TTC29: variants seen among roughly 807,000 people sequenced by gnomAD.
The protein encoded by TTC29 is tetratricopeptide repeat protein 29.
A neutral mutation model predicts 58.1 loss-of-function variants in TTC29; 49 were observed. The ratio of observed to expected loss-of-function variants is 0.84; its 90% confidence interval spans 0.67 to 1.07. TTC29 has a LOEUF of 1.07. Ranked by LOEUF, TTC29 falls within the 50% of genes least tolerant of loss-of-function variation. The pLI is 0.00. For synonymous variants in TTC29, 209 were observed against 196.8 expected (o/e 1.06, Z -0.52); for missense variants, 582 against 555.6 (o/e 1.05, Z -0.48).
intron 11 of TTC29, among the ~76,000 whole-genome samples, chr4:146,739,287 G>A (rs1182391660): frequency 2.0e-5 from 3 of 152,132 alleles, no homozygotes; most frequent in Non-Finnish European, 2.9e-5. Flanking sequence ...ACTGAGGAAA[G>A]AAAAAATAAA....
chr4:146,903,626 C>G lies in TTC29; in HGVS notation c.504G>C (p.Lys168Asn). 1 of 1,613,058 alleles carries G rather than the reference C, an allele frequency of 6.2e-7. No homozygotes were observed. The highest frequency in any genetic ancestry group is 1.1e-5 in the South Asian group (1 of 90,918). Residue 168 changes from lysine to asparagine, a missense_variant, in exon 6 of 13, where the codon AAG becomes AAC. Transcript: ENST00000325106. ...AGTCAATTTTGATCAGCTGAGCAAT[C>G]TTAAAACATCGTTCATAGAAGTGGT... ...VRNHFYERCF[K>N]IAQLIKIDCG...
At chr4:146,909,496 A>T (rs960966056) in intron 4 of TTC29, among the ~76,000 whole-genome samples, 1 of 152,206 alleles carries the variant, frequency 6.6e-6, no homozygotes, top group African/African-American at 2.4e-5. Context: ...TATCAGTTCC[A>T]GAGCTGAGCT....
chr4:146,748,568 C>T (rs1745721776), intron 11 of TTC29, among the ~76,000 whole-genome samples: 1 of 152,172 alleles, frequency 6.6e-6, no homozygotes, highest in South Asian at 2.1e-4. Context: ...ACAACCTATG[C>T]AGCCACCACC....
intron 6 of TTC29, among the ~76,000 whole-genome samples, chr4:146,891,932 C>T (rs933538100): frequency 5.9e-5 from 9 of 152,094 alleles, no homozygotes; most frequent in Non-Finnish European, 1.0e-4. Context: ...TTGGGGAAAG[C>T]AGTTCAGGCA....
intron 11 of TTC29, among the ~76,000 whole-genome samples, chr4:146,800,088 A>C (rs1271149716): frequency 6.6e-6 from 1 of 152,164 alleles, no homozygotes. Context: ...CTAAATCCCT[A>C]AGTTTGGGAG....
At chr4:146,925,792 G>A (rs1734892057) in intron 4 of TTC29, among the ~76,000 whole-genome samples, 1 of 152,164 alleles carries the variant, frequency 6.6e-6, no homozygotes, top group South Asian at 2.1e-4. Context: ...TGGTAGAACT[G>A]AACCCCAAGG....
At chr4:146,838,882 C>T (rs1327442882) in intron 8 of TTC29, among the ~76,000 whole-genome samples, 2 of 151,972 alleles carry the variant, frequency 1.3e-5, no homozygotes, top group African/African-American at 4.8e-5. Context: ...TTCTACCAGT[C>T]TTGGCCCTTA....
intron 11 of TTC29, among the ~76,000 whole-genome samples, chr4:146,777,907 G>C (rs988717391): frequency 6.6e-6 from 1 of 152,204 alleles, no homozygotes; most frequent in African/African-American, 2.4e-5. Context: ...ATTGAACTGA[G>C]AGAAGATTGC....
chr4:146,791,342 T>C (rs1424462302), intron 11 of TTC29, among the ~76,000 whole-genome samples: 1 of 152,230 alleles, frequency 6.6e-6, no homozygotes, highest in African/African-American at 2.4e-5. Context: ...TAATTCAGTA[T>C]TTCAAACTTA....
chr4:146,707,641 TA>T, intron 11 of TTC29, 90 bp from the exon 12 acceptor site: 1 of 832,698 alleles, frequency 1.2e-6, no homozygotes, highest in Non-Finnish European at 1.9e-6. Flanking sequence ...TTTTCAGGGA[TA>T]TCTGTCCTTA....
At position 146,803,441 on chromosome 4, in the gene TTC29, A is replaced by G. The variant is rs1750372759; in HGVS notation, c.1330+16T>C. 1 of 1,522,646 alleles carries G rather than the reference A, an allele frequency of 6.6e-7. No individual in the cohort carries two copies. Among genetic ancestry groups the G allele is most frequent in the Middle Eastern group, 1.8e-4 (1 of 5,646 alleles). The allele number at this position is 1,522,646 out of a possible 1,614,324, so 94.3% of individuals were successfully genotyped here. ...ATGATATGAAAACTAAAGTGTTCTA[A>G]AAACCAATGCCTTACCAGTAACTGG... is the stretch of plus-strand genomic sequence containing the variant. On this transcript the variant is annotated intron_variant, in intron 11 of 12. Transcript: ENST00000325106.
intron 11 of TTC29, among the ~76,000 whole-genome samples, chr4:146,797,512 G>A (rs894055522): frequency 6.6e-6 from 1 of 151,856 alleles, no homozygotes; most frequent in Non-Finnish European, 1.5e-5. Context: ...TTTTCACTGA[G>A]TATACAATTC....
At chr4:146,944,813 TAAA>T (rs74915407) in intron 2 of TTC29, among the ~76,000 whole-genome samples, 49 of 149,038 alleles carry the variant, frequency 3.3e-4, no homozygotes, top group African/African-American at 1.1e-3. Context: ...GCTCCCTAAG[TAAA>T]AAAAAAAACA....
chr4:146,847,126 C>T (rs1729226019), intron 8 of TTC29, among the ~76,000 whole-genome samples: 1 of 152,204 alleles, frequency 6.6e-6, no homozygotes, highest in Non-Finnish European at 1.5e-5. Context: ...TGAGTCATTT[C>T]CATTCTGACA....
In TTC29 at chr4:146,864,224, C is replaced by T. The variant is rs527783960; in HGVS notation, c.885+3274G>A. ...CTGCAAGCCTTTCACATTCCCTACCCCCGAAAACAACACCAGCATCCACCC... is the reference window on the plus strand; with the variant it reads ...CTGCAAGCCTTTCACATTCCCTACCTCCGAAAACAACACCAGCATCCACCC... On this transcript the variant is annotated intron_variant, in intron 8 of 12. Coordinates refer to ENST00000325106, the MANE Select transcript of TTC29 (RefSeq NM_031956.4). 2.0e-5 allele frequency among the ~76,000 whole-genome samples: 3 copies of T among 152,148 alleles called. No homozygotes were observed. The South Asian group carries it at 6.2e-4, about 32-fold the overall frequency.
chr4:146,803,698 GA>G lies in TTC29; in HGVS notation c.1102-14del. ...TGTTGTAGTATCCCTAAAAAGGTAA[GA>G]GAAATAATTTTCTTTCTTACTTTTA... On this transcript the variant is annotated splice_polypyrimidine_tract_variant and intron_variant, in intron 10 of 12. Coordinates refer to ENST00000325106, the MANE Select transcript of TTC29 (RefSeq NM_031956.4). The G allele has an allele frequency of 6.5e-7, 1 of 1,534,428 alleles. No homozygotes were observed.
At chr4:146,853,382 AT>A (rs1185007507) in intron 8 of TTC29, among the ~76,000 whole-genome samples, 1 of 151,986 alleles carries the variant, frequency 6.6e-6, no homozygotes, top group East Asian at 1.9e-4. Context: ...TAATAACCTG[AT>A]TTTTTTGTTC....
At chr4:146,803,125 C>T (rs754231453) in intron 11 of TTC29, among the ~76,000 whole-genome samples, 12 of 151,860 alleles carry the variant, frequency 7.9e-5, no homozygotes, top group East Asian at 1.9e-4. Context: ...TATAACATGG[C>T]GCATGCTAAA....
intron 8 of TTC29, among the ~76,000 whole-genome samples, chr4:146,842,654 GTACATT>G (rs1397775161): frequency 1.3e-5 from 2 of 151,954 alleles, no homozygotes; most frequent in Non-Finnish European, 2.9e-5. Context: ...TTTGCCCAGG[GTACATT>G]TTTTACCCGT....
Sources: allele counts gnomAD v4.1 joint callset (sites outside exome capture counted in the v4.1 genomes callset), GRCh38; gene constraint gnomAD v4.1.1; transcripts MANE v1.5; gene names NCBI Gene and HGNC (gene_info 2026-07-23, HGNC 2026-07-21).